Variants in SOCS4 observed in about 807,000 individuals in gnomAD.
SOCS4 encodes suppressor of cytokine signaling 4.
In SOCS4, 20 loss-of-function variants were observed where a neutral mutation model predicts 34.1. That is an observed-to-expected ratio of 0.59 (90% CI 0.41 to 0.85). The LOEUF is 0.85. Among genes scored for constraint, SOCS4 ranks in the 40% least tolerant of loss-of-function variants. The pLI, the probability that SOCS4 is intolerant of heterozygous loss-of-function variation, is 0.00. For missense variants in SOCS4, 479 were observed against 532.4 expected (o/e 0.90, Z 0.99); for synonymous variants, 180 against 186.4 (o/e 0.97, Z 0.28).
Position 55,043,359 on chromosome 14 carries a change from G to T in SOCS4, c.318G>T (p.Lys106Asn). ...QDAVGQCFPI[K>N]NCSSRHSSGL... ...CCGTGGGGCAGTGTTTTCCAATAAA[G>T]AATTGTAGTAGTCGGCACTCTTCAG... The change falls in exon 3 of 3, where the codon AAG becomes AAT. Residue 106 changes from lysine (K) to asparagine (N), a missense_variant. Physicochemically the swap from Lys to Asn is moderately conservative, Grantham distance 94. Coordinates refer to ENST00000555846, the MANE Select transcript of SOCS4 (RefSeq NM_199421.2). 3 of 1,614,202 alleles carry T rather than the reference G, an allele frequency of 1.9e-6. No homozygotes were observed. The highest frequency in any genetic ancestry group is 2.5e-6 in the Non-Finnish European group (3 of 1,180,034).
At chr14:55,034,163 C>A (rs780753596) in intron 2 of SOCS4, among the ~76,000 whole-genome samples, 5 of 152,116 alleles carry the variant, frequency 3.3e-5, no homozygotes, top group Non-Finnish European at 7.4e-5. Flanking sequence ...ATAAACAGTA[C>A]ACTGAAAGTT....
intron 1 of SOCS4, among the ~76,000 whole-genome samples, chr14:55,030,580 T>G (rs1056994108): frequency 2.6e-5 from 4 of 152,160 alleles, no homozygotes; most frequent in African/African-American, 9.6e-5. Context: ...GAAATGTACT[T>G]CTTCTAACAT....
At position 55,043,269 on chromosome 14, in the gene SOCS4, G is replaced by T. The variant is rs1287270116; in HGVS notation, c.228G>T (p.Leu76Phe). ...AGCACAGCTGTTCATCCATTGAGTT[G>T]GACTTAGATCATTCCTGTGGGCATC... ...ERKHSCSSIELDLDHSCGHRF... is the reference protein window; with the variant it reads ...ERKHSCSSIEFDLDHSCGHRF... The change falls in exon 3 of 3, where the codon TTG (leucine) becomes TTT (phenylalanine). Residue 76 changes from leucine to phenylalanine, a missense_variant. By Grantham distance (22) the Leu-to-Phe change is conservative. Transcript: ENST00000555846. 6.2e-7 allele frequency: 1 copy of T among 1,614,190 alleles called. No individual in the cohort carries two copies. Among genetic ancestry groups the T allele is most frequent in the African/African-American group, 1.3e-5 (1 of 75,040 alleles).
At chr14:55,032,136 G>A (rs950578355) in intron 2 of SOCS4, 145 bp downstream of exon 2, 1 of 152,178 alleles carries the variant, frequency 6.6e-6, no homozygotes, top group African/African-American at 2.4e-5. Context: ...ATTTACATTA[G>A]TTGTGGTGTT....
At chr14:55,033,821 C>T (rs1398408087) in intron 2 of SOCS4, among the ~76,000 whole-genome samples, 1 of 152,120 alleles carries the variant, frequency 6.6e-6, no homozygotes, top group Non-Finnish European at 1.5e-5. Context: ...ATACAATCCA[C>T]GAAATATTCT....
chr14:55,035,839 CT>C (rs146751115), intron 2 of SOCS4, among the ~76,000 whole-genome samples: 64,270 of 147,402 alleles, frequency 0.44, 14,670 homozygotes, highest in African/African-American at 0.59. Context: ...AACCATGTTT[CT>C]TTTTTTTTTT....
At chr14:55,032,752 G>T (rs921610200) in intron 2 of SOCS4, among the ~76,000 whole-genome samples, 1 of 128,224 alleles carries the variant, frequency 7.8e-6, no homozygotes, top group Non-Finnish European at 1.6e-5. Flanking sequence ...GAAATTGTTG[G>T]TAAAGCCACC....
At chr14:55,033,412 CA>C (rs1230448496) in intron 2 of SOCS4, among the ~76,000 whole-genome samples, 2 of 152,134 alleles carry the variant, frequency 1.3e-5, no homozygotes, top group East Asian at 3.8e-4. Context: ...AGACTTCTCT[CA>C]TTTTTTTGTA....
intron 1 of SOCS4, among the ~76,000 whole-genome samples, chr14:55,030,509 C>T (rs117170554): frequency 1.6e-4 from 24 of 152,210 alleles, no homozygotes; most frequent in South Asian, 4.1e-4. Context: ...TTTGTTTCCC[C>T]TCCCCTTTTT....
At chr14:55,027,662 A>C (rs2042478354) in intron 1 of SOCS4, 191 bp downstream of exon 1, 1 of 152,264 alleles carries the variant, frequency 6.6e-6, no homozygotes, top group African/African-American at 2.4e-5. Flanking sequence ...AGAGCCTCTA[A>C]TCTTGGCATC....
chr14:55,030,507 C>T (rs1444786812), intron 1 of SOCS4, among the ~76,000 whole-genome samples: 2 of 151,980 alleles, frequency 1.3e-5, no homozygotes, highest in Admixed American at 6.6e-5. Context: ...CCTTTGTTTC[C>T]CCTCCCCTTT....
chr14:55,039,608 T>TAGAG (rs1249479239), intron 2 of SOCS4, among the ~76,000 whole-genome samples: 3 of 152,074 alleles, frequency 2.0e-5, no homozygotes, highest in African/African-American at 4.8e-5. Flanking sequence ...AGAACACAGG[T>TAGAG]AGAGGCCAGG....
At chr14:55,040,892 GTT>G (rs746911549) in intron 2 of SOCS4, among the ~76,000 whole-genome samples, 8 of 138,894 alleles carry the variant, frequency 5.8e-5, no homozygotes, top group African/African-American at 5.2e-5. Flanking sequence ...TCACCAGATG[GTT>G]TTTTTTTTTT....
intron 2 of SOCS4, among the ~76,000 whole-genome samples, chr14:55,037,336 G>T (rs1314207251): frequency 6.6e-6 from 1 of 151,526 alleles, no homozygotes; most frequent in African/African-American, 2.4e-5. Context: ...GTAGAGACAG[G>T]GTTTCACCAT....
At chr14:55,034,268 A>G (rs866550559) in intron 2 of SOCS4, among the ~76,000 whole-genome samples, 3 of 152,372 alleles carry the variant, frequency 2.0e-5, no homozygotes, top group Middle Eastern at 6.8e-3. Context: ...TGACCATCTG[A>G]CAATGCATGA....
chr14:55,034,879 G>A (rs1327683940), intron 2 of SOCS4, among the ~76,000 whole-genome samples: 1 of 118,194 alleles, frequency 8.5e-6, no homozygotes, highest in Admixed American at 8.9e-5. Flanking sequence ...TTTTTTCCTT[G>A]ACATGGAATC....
chr14:55,032,996 A>T (rs2042542297), intron 2 of SOCS4, among the ~76,000 whole-genome samples: 1 of 152,142 alleles, frequency 6.6e-6, no homozygotes, highest in Non-Finnish European at 1.5e-5. Flanking sequence ...GTTAGTCAGG[A>T]TGGTCTCGAT....
At chr14:55,037,148 A>T (rs1019768773) in intron 2 of SOCS4, among the ~76,000 whole-genome samples, 8 of 142,528 alleles carry the variant, frequency 5.6e-5, no homozygotes, top group South Asian at 4.5e-4. Flanking sequence ...TAGCAATCAT[A>T]TTTTTTTTTT....
chr14:55,043,308 A>G lies in SOCS4; in HGVS notation c.267A>G (p.Arg89=), dbSNP rs1340716784. 1.2e-6 allele frequency: 2 copies of G among 1,614,228 alleles called. No homozygotes were observed. Among genetic ancestry groups the G allele is most frequent in the Admixed American group, 3.3e-5 (2 of 60,026 alleles). The change falls in exon 3 of 3, where the codon CGA becomes CGG. Residue 89 remains arginine (R), a synonymous_variant. Transcript: ENST00000555846. The stretch of plus-strand genomic sequence containing the variant: ...CCTGTGGGCATCGATTTTTAGGCCG[A>G]TCTCTTAAACAGAAACTGCAAGATG... ...DHSCGHRFLG[R]SLKQKLQDAV... is the part of the protein sequence containing the mutation.
Sources: gnomAD v4.1 joint callset for allele counts (sites outside exome capture counted in the v4.1 genomes callset) on GRCh38, gnomAD v4.1.1 for gene constraint, MANE v1.5 for transcripts, NCBI Gene and HGNC (gene_info 2026-07-23, HGNC 2026-07-21) for gene names.